PLA2G5: variants seen among roughly 807,000 people sequenced by gnomAD.
PLA2G5 encodes phospholipase A2 group V, also known as Ca2+-dependent phospholipase A2.
A neutral mutation model predicts 15.9 loss-of-function variants in PLA2G5; 12 were observed. That is an observed-to-expected ratio of 0.76 (90% CI 0.48 to 1.23). The LOEUF (loss-of-function observed/expected upper bound fraction) is 1.23. Among genes scored for constraint, PLA2G5 ranks in the 50% most tolerant of loss-of-function variants. The pLI is 0.00. For missense variants in PLA2G5, 169 were observed against 177.1 expected, an observed-to-expected ratio of 0.95 and a Z score of 0.26; for synonymous variants, 71 against 71.4, an observed-to-expected ratio of 0.99 and a Z score of 0.03.
chr1:20,029,799 T>C (rs1266103252), intron 1 of PLA2G5, among the ~76,000 whole-genome samples: 1 of 152,154 alleles, frequency 6.6e-6, no homozygotes, highest in African/African-American at 2.4e-5. Flanking sequence ...ACCTGAATAG[T>C]TTGGTTGTTA....
intron 2 of PLA2G5, among the ~76,000 whole-genome samples, chr1:20,061,699 A>T (rs1035070028): frequency 5.9e-5 from 9 of 152,140 alleles, no homozygotes; most frequent in African/African-American, 2.2e-4. Flanking sequence ...ATCTTACTCC[A>T]AAGGCCTTCC....
intron 1 of PLA2G5, among the ~76,000 whole-genome samples, chr1:20,033,172 A>T (rs1374298260): frequency 6.6e-6 from 1 of 152,160 alleles, no homozygotes. Context: ...ATGGGGCTGG[A>T]GAGCATTGGA....
At chr1:20,053,256 A>G (rs2014264331) in intron 1 of PLA2G5, among the ~76,000 whole-genome samples, 1 of 152,220 alleles carries the variant, frequency 6.6e-6, no homozygotes, top group Non-Finnish European at 1.5e-5. Flanking sequence ...TTTTAAATTT[A>G]CAACATTTTT....
chr1:20,057,527 C>G lies in PLA2G5; in HGVS notation n.277-2105C>G, dbSNP rs1255364497. 2.6e-5 allele frequency among the ~76,000 whole-genome samples: 4 copies of G among 152,168 alleles called. No homozygotes were observed. In the East Asian group the frequency reaches 5.8e-4, roughly 22 times the overall value. ...ATATATGTCTTTATATTTAAAGAGT[C>G]TCGCTCTGTCACCCAGGCTGGAGTG... On this transcript the variant is annotated intron_variant and non_coding_transcript_variant, in intron 1 of 6. Coordinates refer to the PLA2G5 transcript ENST00000460175.
intron 2 of PLA2G5, chr1:20,063,509 C>T (rs1226199498): frequency 8.5e-6 from 1 of 117,404 alleles, no homozygotes; most frequent in Non-Finnish European, 1.8e-5. Context: ...CAGAACTAGA[C>T]TCTTCCTTGG....
chr1:20,057,736 T>A (rs189797904), intron 1 of PLA2G5, among the ~76,000 whole-genome samples: 16 of 152,266 alleles, frequency 1.1e-4, no homozygotes, highest in African/African-American at 3.4e-4. Context: ...TGACCTCAGG[T>A]GATTCACCTG....
chr1:20,069,143 C>A, upstream of PLA2G5: 2 of 427,160 alleles, frequency 4.7e-6, no homozygotes, highest in Non-Finnish European at 9.5e-6. Flanking sequence ...GTGATATTAT[C>A]AAGTGCTGGC....
At chr1:20,079,154 AGT>A (rs1301792677) in intron 1 of PLA2G5, among the ~76,000 whole-genome samples, 3 of 150,998 alleles carry the variant, frequency 2.0e-5, no homozygotes, top group Non-Finnish European at 4.4e-5. Flanking sequence ...TTCTCAAAAA[AGT>A]GTGTGTGGGG....
Position 20,058,052 on chromosome 1 carries a change from C to G in PLA2G5, n.277-1580C>G, listed in dbSNP as rs142320604. Reference sequence around the variant, plus strand: ...TATGTTTTATGGCATGGAATGTGGTCTATCTTGGTGAGTGTTCCACATGAA... The same window carrying G: ...TATGTTTTATGGCATGGAATGTGGTGTATCTTGGTGAGTGTTCCACATGAA... On this transcript the variant is annotated intron_variant and non_coding_transcript_variant, in intron 1 of 6. Coordinates refer to the PLA2G5 transcript ENST00000460175. 8.9e-3 allele frequency among the ~76,000 whole-genome samples: 1,360 copies of G among 152,182 alleles called. 15 individuals are homozygous for G. Among genetic ancestry groups the G allele is most frequent in the Non-Finnish European group, 0.015 (997 of 67,992 alleles).
At chr1:20,067,003 C>CT (rs35795826), upstream of PLA2G5, among the ~76,000 whole-genome samples, 126,971 of 151,484 alleles carry the variant, frequency 0.84, 53,262 homozygotes, top group East Asian at 0.93. Flanking sequence ...GAGACCTTGT[C>CT]TTTTTTTTCT....
chr1:20,058,610 A>G (rs974708186), intron 1 of PLA2G5, among the ~76,000 whole-genome samples: 2 of 152,200 alleles, frequency 1.3e-5, no homozygotes, highest in African/African-American at 4.8e-5. Flanking sequence ...AGATACAATC[A>G]TATGAGCCTT....
intron 1 of PLA2G5, among the ~76,000 whole-genome samples, chr1:20,050,028 T>C (rs1271733274): frequency 6.6e-6 from 1 of 152,230 alleles, no homozygotes; most frequent in Non-Finnish European, 1.5e-5. Flanking sequence ...AGAAGGTCTT[T>C]TCTTTTGCCT....
At chr1:20,057,408 ATTTCTGCT>A (rs1394727639) in intron 1 of PLA2G5, among the ~76,000 whole-genome samples, 1 of 151,522 alleles carries the variant, frequency 6.6e-6, no homozygotes, top group Non-Finnish European at 1.5e-5. Flanking sequence ...TTGGGGGGTA[ATTTCTGCT>A]TTGCAGAAAT....
chr1:20,078,294 C>A (rs1402283564), intron 1 of PLA2G5, among the ~76,000 whole-genome samples: 3 of 152,112 alleles, frequency 2.0e-5, no homozygotes, highest in Non-Finnish European at 4.4e-5. Context: ...CGAAGGGCAG[C>A]CTTCTCTGTT....
intron 1 of PLA2G5, among the ~76,000 whole-genome samples, chr1:20,033,300 T>C (rs1051512947): frequency 6.6e-6 from 1 of 152,040 alleles, no homozygotes; most frequent in African/African-American, 2.4e-5. Context: ...GCAAAATGTG[T>C]TGGAAGTGGG....
chr1:20,034,741 G>A (rs184303314), intron 1 of PLA2G5, among the ~76,000 whole-genome samples: 7 of 152,252 alleles, frequency 4.6e-5, no homozygotes, highest in Admixed American at 4.6e-4. Context: ...CCAAACTTCA[G>A]GATCAACAGA....
chr1:20,056,470 G>A (rs577109624), intron 1 of PLA2G5, among the ~76,000 whole-genome samples: 4 of 152,158 alleles, frequency 2.6e-5, no homozygotes, highest in East Asian at 1.9e-4. Flanking sequence ...CTATTGCTAC[G>A]ATTGTGTTGT....
At chr1:20,049,282 C>G (rs1339391905) in intron 1 of PLA2G5, among the ~76,000 whole-genome samples, 1 of 151,880 alleles carries the variant, frequency 6.6e-6, no homozygotes, top group Non-Finnish European at 1.5e-5. Flanking sequence ...TTTTAAAAAG[C>G]TTTTACACGA....
intron 1 of PLA2G5, among the ~76,000 whole-genome samples, chr1:20,081,194 CCT>C (rs2100595364): frequency 6.6e-6 from 1 of 151,860 alleles, no homozygotes; most frequent in Admixed American, 6.5e-5. Flanking sequence ...CTATGCGCTT[CCT>C]CTCTGTGGTC....
Sources: gnomAD v4.1 joint callset for allele counts (sites outside exome capture counted in the v4.1 genomes callset) on GRCh38, gnomAD v4.1.1 for gene constraint, MANE v1.5 for transcripts, NCBI Gene and HGNC (gene_info 2026-07-23, HGNC 2026-07-21) for gene names.